The following SHC3 variants were observed in gnomAD, a reference collection of about 807,000 sequenced individuals.
The protein encoded by SHC3 is SHC-transforming protein 3.
In SHC3, 15 loss-of-function variants were observed where a neutral mutation model predicts 60.4. The observed-to-expected ratio is 0.25, with a 90% CI of 0.17 to 0.38. The LOEUF (loss-of-function observed/expected upper bound fraction) is 0.38. Ranked by LOEUF, SHC3 falls within the 10% of genes least tolerant of loss-of-function variation. The pLI is 1.00. For missense variants in SHC3, 677 were observed against 786.1 expected, an observed-to-expected ratio of 0.86 and a Z score of 1.66; for synonymous variants, 294 against 325.9, an observed-to-expected ratio of 0.90 and a Z score of 1.05.
intron 1 of SHC3, among the ~76,000 whole-genome samples, chr9:89,129,536 C>G (rs1826212665): frequency 6.6e-6 from 1 of 152,058 alleles, no homozygotes. Flanking sequence ...AAAGGGAAGC[C>G]CATCAGACTA....
At chr9:89,165,260 T>G (rs1306894356) in intron 1 of SHC3, among the ~76,000 whole-genome samples, 5 of 148,636 alleles carry the variant, frequency 3.4e-5, no homozygotes, top group East Asian at 3.9e-4. Flanking sequence ...AAAGACGTGT[T>G]TGTGTGTGTG....
intron 2 of SHC3, among the ~76,000 whole-genome samples, chr9:89,082,397 G>A (rs1365277705): frequency 6.6e-6 from 1 of 152,134 alleles, no homozygotes; most frequent in Non-Finnish European, 1.5e-5. Flanking sequence ...CCTCTGCCAG[G>A]CTATAGCAGG....
At chr9:89,172,562 GAC>G (rs369381560) in intron 1 of SHC3, among the ~76,000 whole-genome samples, 10 of 120,326 alleles carry the variant, frequency 8.3e-5, no homozygotes, top group Middle Eastern at 3.7e-3. Context: ...GACACACACA[GAC>G]ACACACACAC....
chr9:89,157,753 C>T (rs1826646013), intron 1 of SHC3, among the ~76,000 whole-genome samples: 1 of 152,070 alleles, frequency 6.6e-6, no homozygotes, highest in Non-Finnish European at 1.5e-5. Flanking sequence ...GTACCTGGGA[C>T]TACAGGCATC....
At chr9:89,141,407 A>G (rs1826391431) in intron 1 of SHC3, among the ~76,000 whole-genome samples, 1 of 152,194 alleles carries the variant, frequency 6.6e-6, no homozygotes, top group Non-Finnish European at 1.5e-5. Flanking sequence ...AGCCTCACAA[A>G]TCTTTTTTCC....
chr9:89,130,445 A>T (rs1826227732), intron 1 of SHC3, among the ~76,000 whole-genome samples: 1 of 152,230 alleles, frequency 6.6e-6, no homozygotes, highest in Non-Finnish European at 1.5e-5. Context: ...TCTCCACCCC[A>T]AATCAACAGA....
At chr9:89,123,560 G>GT (rs1826121187) in intron 1 of SHC3, among the ~76,000 whole-genome samples, 1 of 152,148 alleles carries the variant, frequency 6.6e-6, no homozygotes. Flanking sequence ...TTGGTCAGGG[G>GT]TGGGTGTGTG....
At chr9:89,020,376 T>C (rs1362141612) in intron 11 of SHC3, among the ~76,000 whole-genome samples, 5 of 151,868 alleles carry the variant, frequency 3.3e-5, no homozygotes, top group Non-Finnish European at 7.4e-5. Flanking sequence ...TTGTGCCACA[T>C]TGTGGGTGTG....
chr9:89,006,376 G>A lies in SHC3; in HGVS notation c.*7071C>T, dbSNP rs780768049. On this transcript the variant is annotated 3_prime_UTR_variant, in exon 12 of 12. Coordinates refer to ENST00000375835, the MANE Select transcript of SHC3 (RefSeq NM_016848.6). ...ATCTCCAAAACACCAGATAACTTAG[G>A]TTTTTTCATTTGTCATAGAACAAAG... 16 of 152,140 alleles carry A rather than the reference G, an allele frequency of 1.1e-4. No individual in the cohort carries two copies. Among genetic ancestry groups the A allele is most frequent in the Non-Finnish European group, 2.2e-4 (15 of 68,030 alleles). The allele number at this position is 152,140 out of a possible 1,614,324, so 9.4% of individuals were successfully genotyped here. A position where few individuals can be genotyped will look rare whatever the true frequency, so the allele number is the denominator to read the frequency against.
At chr9:89,085,596 G>A (rs1202993797) in intron 2 of SHC3, among the ~76,000 whole-genome samples, 1 of 152,228 alleles carries the variant, frequency 6.6e-6, no homozygotes, top group East Asian at 1.9e-4. Flanking sequence ...ATGTAGCCCT[G>A]ATGGGCAGTC....
intron 11 of SHC3, among the ~76,000 whole-genome samples, 185 bp from the exon 12 acceptor site, chr9:89,013,760 G>T (rs1826048727): frequency 6.6e-6 from 1 of 152,138 alleles, no homozygotes; most frequent in Non-Finnish European, 1.5e-5. Context: ...CATTGGTTGG[G>T]CTCACCTCCA....
At chr9:89,077,034 G>A (rs1007003943) in intron 3 of SHC3, among the ~76,000 whole-genome samples, 1 of 151,936 alleles carries the variant, frequency 6.6e-6, no homozygotes, top group African/African-American at 2.4e-5. Context: ...AAAATTAGCT[G>A]GGCATGGTGG....
intron 7 of SHC3, among the ~76,000 whole-genome samples, chr9:89,048,375 C>T (rs939485098): frequency 6.6e-6 from 1 of 152,012 alleles, no homozygotes; most frequent in Non-Finnish European, 1.5e-5. Flanking sequence ...GATCCTACAA[C>T]ATGAGTGAAT....
At chr9:89,173,747 A>G (rs376297385) in intron 1 of SHC3, among the ~76,000 whole-genome samples, 4 of 151,872 alleles carry the variant, frequency 2.6e-5, no homozygotes, top group East Asian at 3.9e-4. Flanking sequence ...TGGTTTGTGT[A>G]TATGTGTGTG....
chr9:89,048,333 T>G (rs1191791778), intron 7 of SHC3, among the ~76,000 whole-genome samples: 1 of 151,968 alleles, frequency 6.6e-6, no homozygotes, highest in Non-Finnish European at 1.5e-5. Flanking sequence ...TCAAATATTA[T>G]TAAGAACTCT....
intron 1 of SHC3, among the ~76,000 whole-genome samples, chr9:89,160,245 A>G (rs1400176005): frequency 6.6e-6 from 1 of 152,012 alleles, no homozygotes; most frequent in Admixed American, 6.6e-5. Flanking sequence ...CCCACCTCCA[A>G]AGAGCTTCTC....
chr9:89,109,421 T>C (rs888459531), intron 2 of SHC3: 2 of 984,592 alleles, frequency 2.0e-6, no homozygotes, highest in African/African-American at 1.7e-5. Flanking sequence ...GGAATGTACA[T>C]GGATAAGGGT....
chr9:89,096,132 C>T (rs959645757), intron 2 of SHC3, among the ~76,000 whole-genome samples: 1 of 152,152 alleles, frequency 6.6e-6, no homozygotes, highest in Non-Finnish European at 1.5e-5. Flanking sequence ...TTCAACTACC[C>T]GCACAAACGT....
chr9:89,111,997 A>G (rs1236127827), intron 2 of SHC3, among the ~76,000 whole-genome samples: 1 of 152,198 alleles, frequency 6.6e-6, no homozygotes, highest in Non-Finnish European at 1.5e-5. Context: ...TTATTTTTAA[A>G]AAACCAGTGC....
Sources: allele counts gnomAD v4.1 joint callset (sites outside exome capture counted in the v4.1 genomes callset), GRCh38; gene constraint gnomAD v4.1.1; transcripts MANE v1.5; gene names NCBI Gene and HGNC (gene_info 2026-07-23, HGNC 2026-07-21).